FSTL4: variants seen among roughly 807,000 people sequenced by gnomAD.
The protein encoded by FSTL4 is follistatin-related protein 4.
FSTL4 carries 28 observed loss-of-function variants against 78.2 expected under a neutral mutation model. The observed-to-expected ratio is 0.36, with a 90% CI of 0.27 to 0.49. The LOEUF is 0.49. Among genes scored for constraint, FSTL4 ranks in the 20% least tolerant of loss-of-function variants. The pLI, the probability that FSTL4 is intolerant of heterozygous loss-of-function variation, is 0.98. For synonymous variants in FSTL4, 422 were observed against 440.5 expected (o/e 0.96, Z 0.53); for missense variants, 922 against 1,084.9 (o/e 0.85, Z 2.11).
At chr5:133,204,739 C>T (rs1295221290) in intron 14 of FSTL4, among the ~76,000 whole-genome samples, 1 of 135,114 alleles carries the variant, frequency 7.4e-6, no homozygotes, top group Non-Finnish European at 1.6e-5. Context: ...GACTGAGGCA[C>T]GAGAATTGTT....
the FSTL4 span, among the ~76,000 whole-genome samples, chr5:133,674,548 G>A: frequency 9.4e-3 from 1,430 of 152,106 alleles, 23 homozygotes; most frequent in African/African-American, 0.033. Flanking sequence ...GAGAAATCCC[G>A]TAGAGAACGA....
intron 3 of FSTL4, among the ~76,000 whole-genome samples, chr5:133,486,042 G>A (rs372183615): frequency 6.6e-6 from 1 of 152,106 alleles, no homozygotes; most frequent in Non-Finnish European, 1.5e-5. Flanking sequence ...TGGCACTCAC[G>A]GTGAGAATGG....
At chr5:133,716,100 G>A in the FSTL4 span, among the ~76,000 whole-genome samples, 4 of 152,198 alleles carry the variant, frequency 2.6e-5, no homozygotes, top group East Asian at 1.9e-4. Flanking sequence ...ATGTCCAAAT[G>A]TAAGTGCAGT....
chr5:133,735,036 G>C, the FSTL4 span, among the ~76,000 whole-genome samples: 1 of 152,174 alleles, frequency 6.6e-6, no homozygotes, highest in Non-Finnish European at 1.5e-5. Context: ...TGCCCCTCAT[G>C]CTCTCCCTCT....
intron 4 of FSTL4, among the ~76,000 whole-genome samples, chr5:133,337,230 G>A (rs1393089839): frequency 1.3e-5 from 2 of 152,234 alleles, no homozygotes; most frequent in African/African-American, 4.8e-5. Context: ...GCAAACCATT[G>A]AGGGACATCA....
At chr5:133,386,532 C>T (rs1490217386) in intron 4 of FSTL4, among the ~76,000 whole-genome samples, 2 of 152,198 alleles carry the variant, frequency 1.3e-5, no homozygotes, top group Admixed American at 6.5e-5. Flanking sequence ...TGTATAGATT[C>T]CCCATTTCTT....
intron 4 of FSTL4, among the ~76,000 whole-genome samples, chr5:133,336,128 C>T (rs1213876878): frequency 1.3e-5 from 2 of 152,234 alleles, no homozygotes; most frequent in African/African-American, 2.4e-5. Context: ...GAGCTCCAAA[C>T]CATAACCACG....
the FSTL4 span, among the ~76,000 whole-genome samples, chr5:133,671,946 G>A: frequency 1.9e-3 from 289 of 152,314 alleles, 6 homozygotes; most frequent in Admixed American, 0.017. Context: ...ATTTAAGAAT[G>A]TTACCACAGG....
At chr5:133,415,555 C>T (rs993669027) in intron 3 of FSTL4, among the ~76,000 whole-genome samples, 3 of 151,928 alleles carry the variant, frequency 2.0e-5, no homozygotes, top group Non-Finnish European at 2.9e-5. Flanking sequence ...TATGTTTTAT[C>T]TTCAAAAAGT....
chr5:133,417,690 G>T (rs575023375), intron 3 of FSTL4, among the ~76,000 whole-genome samples: 1 of 152,170 alleles, frequency 6.6e-6, no homozygotes, highest in East Asian at 1.9e-4. Flanking sequence ...GGGTGTGGTG[G>T]CTCACACCTG....
chr5:133,347,234 G>T (rs1754715686), intron 4 of FSTL4, among the ~76,000 whole-genome samples: 1 of 150,070 alleles, frequency 6.7e-6, no homozygotes, highest in Non-Finnish European at 1.5e-5. Context: ...TCTTCCCCTG[G>T]GAGGGCTGCG....
chr5:133,798,047 C>A, the FSTL4 span, among the ~76,000 whole-genome samples: 1 of 152,182 alleles, frequency 6.6e-6, no homozygotes, highest in African/African-American at 2.4e-5. Flanking sequence ...ACACAAGAGT[C>A]CAGCAACACC....
At chr5:133,335,528 C>G (rs1335318805) in intron 4 of FSTL4, among the ~76,000 whole-genome samples, 1 of 152,118 alleles carries the variant, frequency 6.6e-6, no homozygotes, top group Non-Finnish European at 1.5e-5. Context: ...CACCCCCGGA[C>G]AGGCCCAGCC....
chr5:133,426,512 T>A lies in FSTL4; in HGVS notation c.161-25526A>T, dbSNP rs765434572. On this transcript the variant is annotated intron_variant, in intron 3 of 15. Coordinates refer to ENST00000265342, the MANE Select transcript of FSTL4 (RefSeq NM_015082.2). The surrounding 1 kb of genome is among the most constrained non-coding windows in gnomAD (Gnocchi z 5.0). ...ATTAGGAAGAGACTAACAATTCTGA[T>A]CCCTCATAACGGAGCTCTCATGGCC... is the stretch of plus-strand genomic sequence containing the variant. Among the ~76,000 whole-genome samples the A allele has an allele frequency of 6.6e-5, 10 of 152,154 alleles. No individual in the cohort carries two copies. Among genetic ancestry groups the A allele is most frequent in the Admixed American group, 2.0e-4 (3 of 15,280 alleles).
chr5:133,616,788 A>C (rs573419106), upstream of FSTL4, among the ~76,000 whole-genome samples: 1 of 152,152 alleles, frequency 6.6e-6, no homozygotes, highest in Non-Finnish European at 1.5e-5. Flanking sequence ...GAAGACAACT[A>C]TCCAACCTTC....
Position 133,199,385 on chromosome 5 carries a change from T to C in FSTL4, c.2239A>G (p.Asn747Asp), listed in dbSNP as rs1750246436. 1 of 1,614,196 alleles carries C rather than the reference T, an allele frequency of 6.2e-7. No individual in the cohort carries two copies. Among genetic ancestry groups the C allele is most frequent in the Non-Finnish European group, 8.5e-7 (1 of 1,180,028 alleles). Residue 747 changes from asparagine (N) to aspartate (D), a missense_variant, in exon 16 of 16, where the codon AAT becomes GAT. Physicochemically the swap from Asn to Asp is conservative, Grantham distance 23. Coordinates refer to ENST00000265342, the MANE Select transcript of FSTL4 (RefSeq NM_015082.2). The surrounding 1 kb of genome is among the most constrained non-coding windows in gnomAD (Gnocchi z 4.4). ...LAFQRSFTES[N>D]QYNIYAALHT... ...AGAGCCGCGTAGATGTTGTATTGAT[T>C]GCTTTCAGTGAAGGAGCGCTGGAAG...
At chr5:133,653,961 A>T in the FSTL4 span, among the ~76,000 whole-genome samples, 1 of 152,326 alleles carries the variant, frequency 6.6e-6, no homozygotes, top group Middle Eastern at 3.4e-3. Flanking sequence ...TCCTTCGTTC[A>T]TTTGCTCATG....
At chr5:133,604,858 C>T (rs552532530) in intron 1 of FSTL4, among the ~76,000 whole-genome samples, 1 of 134,348 alleles carries the variant, frequency 7.4e-6, no homozygotes, top group Non-Finnish European at 1.6e-5. Flanking sequence ...GTGGCAGAAT[C>T]CAAGCATCCA....
the FSTL4 span, among the ~76,000 whole-genome samples, chr5:133,809,597 G>A: frequency 6.8e-6 from 1 of 147,474 alleles, no homozygotes. Context: ...AGTCAGGATA[G>A]CACCAAAAAT....
Sources: gnomAD v4.1 joint callset for allele counts (sites outside exome capture counted in the v4.1 genomes callset) on GRCh38, gnomAD v4.1.1 for gene constraint, Gnocchi (gnomAD v3.1) non-coding constraint, MANE v1.5 for transcripts, NCBI Gene and HGNC (gene_info 2026-07-23, HGNC 2026-07-21) for gene names.